BCL11A: variants seen among roughly 807,000 people sequenced by gnomAD.
BCL11A encodes BCL11 transcription factor A.
Under a neutral mutation model 55.9 loss-of-function variants are expected in BCL11A, and 2 were observed. That is an observed-to-expected ratio of 0.04 (90% CI 0.01 to 0.11). The LOEUF is 0.11. BCL11A is among the 10% of genes least tolerant of loss of function. The probability of loss-of-function intolerance (pLI) is 1.00; values close to 1 mark genes in which losing one functional copy is unlikely to be tolerated. For missense variants in BCL11A, 817 were observed against 1,137.1 expected, an observed-to-expected ratio of 0.72 and a Z score of 4.05; for synonymous variants, 465 against 473.4, an observed-to-expected ratio of 0.98 and a Z score of 0.23.
At chr2:60,474,225 A>G (rs1023252563) in intron 2 of BCL11A, among the ~76,000 whole-genome samples, 12 of 152,156 alleles carry the variant, frequency 7.9e-5, no homozygotes, top group Non-Finnish European at 1.5e-4. Flanking sequence ...CCCTTTATCT[A>G]TAAAAATGCC....
intron 2 of BCL11A, among the ~76,000 whole-genome samples, chr2:60,532,061 G>A (rs1370947232): frequency 6.6e-6 from 1 of 152,034 alleles, no homozygotes; most frequent in East Asian, 1.9e-4. Context: ...CCTCACCCCA[G>A]CACTCCCTGC....
intron 2 of BCL11A, chr2:60,525,189 C>G (rs1475229558): frequency 6.6e-6 from 1 of 152,150 alleles, no homozygotes; most frequent in African/African-American, 2.4e-5. Flanking sequence ...TTTAAAATAC[C>G]TGGTTGTTTG....
intron 2 of BCL11A, among the ~76,000 whole-genome samples, chr2:60,483,145 G>T (rs1678055884): frequency 6.6e-6 from 1 of 152,150 alleles, no homozygotes; most frequent in Non-Finnish European, 1.5e-5. Flanking sequence ...TGGGTAGTTG[G>T]AGGAGAATCA....
intron 2 of BCL11A, among the ~76,000 whole-genome samples, chr2:60,523,088 A>G (rs575013684): frequency 6.6e-6 from 1 of 152,364 alleles, no homozygotes; most frequent in East Asian, 1.9e-4. Context: ...TTCAGGATAT[A>G]AAATAAGTAA....
chr2:60,528,130 T>A (rs75057284), intron 2 of BCL11A: 1 of 152,434 alleles, frequency 6.6e-6, no homozygotes, highest in Non-Finnish European at 1.5e-5. Flanking sequence ...GAACCCATCG[T>A]CCTAAGAAAC....
At chr2:60,491,990 G>A (rs1480479074) in intron 2 of BCL11A, among the ~76,000 whole-genome samples, 2 of 152,174 alleles carry the variant, frequency 1.3e-5, no homozygotes, top group Non-Finnish European at 2.9e-5. Flanking sequence ...GATGGATGTA[G>A]GAAAAACAAA....
chr2:60,461,478 C>T lies in BCL11A; in HGVS notation c.1434G>A (p.Leu478=). Residue 478 remains leucine (L), a synonymous_variant, in exon 4 of 4, where the codon CTG becomes CTA. Coordinates refer to ENST00000642384, the MANE Select transcript of BCL11A (RefSeq NM_022893.4). ...AKFKSENDPN[L]IPENGDEEEE... ...CCTCCTCGTCCCCGTTCTCCGGGAT[C>T]AGGTTGGGGTCGTTCTCGCTCTTGA... 6.2e-7 allele frequency: 1 copy of T among 1,604,726 alleles called. No homozygotes were observed. Among genetic ancestry groups the T allele is most frequent in the Non-Finnish European group, 8.5e-7 (1 of 1,179,744 alleles).
intron 2 of BCL11A, among the ~76,000 whole-genome samples, chr2:60,474,799 G>A (rs1677427998): frequency 6.6e-6 from 1 of 152,186 alleles, no homozygotes; most frequent in Admixed American, 6.5e-5. Flanking sequence ...CCAAAGCAAT[G>A]GGCTAGCCGC....
chr2:60,553,242 T>C lies in BCL11A; in HGVS notation c.29A>G (p.Gln10Arg), dbSNP rs750341411. The C allele has an allele frequency of 6.3e-7, 1 of 1,599,890 alleles. No homozygotes were observed. Among genetic ancestry groups the C allele is most frequent in the Non-Finnish European group, 8.5e-7 (1 of 1,175,858 alleles). MSRRKQGKP[Q>R]HLSKREFSPE... The stretch of plus-strand genomic sequence containing the variant: ...CGAGAATTCCCGTTTGCTTAAGTGC[T>C]GGGGTTTGCCTTGCTTGCGGCGAGA... Residue 10 changes from glutamine (Q) to arginine (R), a missense_variant, in exon 1 of 4, where the codon CAG becomes CGG. By Grantham distance (43) the Gln-to-Arg change is conservative (BLOSUM62 1). This residue lies in a region of BCL11A where 363 missense variants were observed against 486.6 expected (regional missense o/e 0.75). Coordinates refer to ENST00000642384, the MANE Select transcript of BCL11A (RefSeq NM_022893.4).
In BCL11A at chr2:60,467,405, GTGATGGTA is replaced by G. The variant is rs1676782601; in HGVS notation, c.487+1319_487+1326del. On this transcript the variant is annotated intron_variant, in intron 3 of 3. Transcript: ENST00000642384. ...GATGGTACTGGTGGTGATGGTGATG[GTGATGGTA>G]CTGGTGATGGTGGTGGTGGTAGTGA... Among the ~76,000 whole-genome samples, 5 of 21,024 alleles carry G rather than the reference GTGATGGTA, an allele frequency of 2.4e-4. 1 individual carries two copies. The highest frequency in any genetic ancestry group is 3.3e-4 in the Non-Finnish European group (4 of 12,276). The allele number at this position is 21,024 out of a possible 152,430, so 13.8% of individuals were successfully genotyped here.
At chr2:60,468,465 G>A (rs773769988) in intron 3 of BCL11A, among the ~76,000 whole-genome samples, 62 of 152,216 alleles carry the variant, frequency 4.1e-4, no homozygotes, top group Admixed American at 2.9e-3. Context: ...CACTAGCCAC[G>A]GAGCAAGACA....
chr2:60,451,019 C>T (rs1675703131), downstream of BCL11A: 1 of 175,790 alleles, frequency 5.7e-6, no homozygotes, highest in Non-Finnish European at 1.2e-5. Context: ...TGCTTTCTCT[C>T]TTACTGATGT....
chr2:60,510,157 G>A (rs1028149700), intron 2 of BCL11A, among the ~76,000 whole-genome samples: 2 of 152,014 alleles, frequency 1.3e-5, no homozygotes, highest in African/African-American at 2.4e-5. Context: ...CTCAAAATGC[G>A]GCCCAAGAGA....
chr2:60,529,775 T>C (rs1039593604), intron 2 of BCL11A, among the ~76,000 whole-genome samples: 1 of 152,216 alleles, frequency 6.6e-6, no homozygotes, highest in African/African-American at 2.4e-5. Flanking sequence ...ATGTGCACAA[T>C]GGTGCCTTTT....
At chr2:60,513,803 A>G (rs1273559640) in intron 2 of BCL11A, among the ~76,000 whole-genome samples, 1 of 152,208 alleles carries the variant, frequency 6.6e-6, no homozygotes, top group Non-Finnish European at 1.5e-5. Flanking sequence ...GAAGGGTCCT[A>G]TGCAGTGAAC....
In BCL11A at chr2:60,461,925, T is replaced by C. The variant is rs1350684139; in HGVS notation, c.987A>G (p.Pro329=). 6.2e-7 allele frequency: 1 copy of C among 1,613,940 alleles called. No homozygotes were observed. The highest frequency in any genetic ancestry group is 8.5e-7 in the Non-Finnish European group (1 of 1,180,006). The part of the protein sequence containing the change: ...LRELAGNTSS[P]PLSPGRPSPM... ...GGCTGGGCCGGCCTGGGGACAGCGG[T>C]GGGCTAGACGTGTTCCCTGCCAGCT... Residue 329 remains proline (P), a synonymous_variant, in exon 4 of 4, where the codon CCA becomes CCG. Transcript: ENST00000642384.
intron 1 of BCL11A, 21 bp downstream of exon 1, chr2:60,553,195 T>A (rs545581010): frequency 1.9e-6 from 3 of 1,591,690 alleles, no homozygotes; most frequent in Non-Finnish European, 2.6e-6. Context: ...TAATTATTAT[T>A]ACTATTATTG....
In BCL11A at chr2:60,460,928, C is replaced by G. The variant is rs781359345; in HGVS notation, c.1984G>C (p.Gly662Arg). ...TTGAGCTGCCTGGAGGCCGCGTAGCCGGCGAGCCACTGCGAGTACACGTTC... is the reference window on the plus strand; with the variant it reads ...TTGAGCTGCCTGGAGGCCGCGTAGCGGGCGAGCCACTGCGAGTACACGTTC... ...TENVYSQWLA[G>R]YAASRQLKDP... Residue 662 changes from glycine (G) to arginine (R), a missense_variant, in exon 4 of 4, where the codon GGC becomes CGC. Physicochemically the swap from Gly to Arg is moderately radical, Grantham distance 125. Transcript: ENST00000642384. 1.9e-6 allele frequency: 3 copies of G among 1,612,326 alleles called. No individual in the cohort carries two copies. Among genetic ancestry groups the G allele is most frequent in the Non-Finnish European group, 2.5e-6 (3 of 1,179,930 alleles).
At chr2:60,465,376 C>T (rs1454787049) in intron 3 of BCL11A, among the ~76,000 whole-genome samples, 1 of 152,160 alleles carries the variant, frequency 6.6e-6, no homozygotes, top group Non-Finnish European at 1.5e-5. Flanking sequence ...AATTTGAGAG[C>T]CTCATTGGGC....
Sources: gnomAD v4.1 joint callset for allele counts (sites outside exome capture counted in the v4.1 genomes callset) on GRCh38, gnomAD v4.1.1 for gene constraint, gnomAD v4.1.1 regional missense constraint, MANE v1.5 for transcripts, NCBI Gene and HGNC (gene_info 2026-07-23, HGNC 2026-07-21) for gene names.